The following LARGE1 variants were observed in gnomAD, a reference collection of about 807,000 sequenced individuals.
LARGE1 encodes LARGE xylosyl- and glucuronyltransferase 1, also known as xylosyl- and glucuronyltransferase LARGE1.
In LARGE1, 43 loss-of-function variants were observed where a neutral mutation model predicts 87.6. The ratio of observed to expected loss-of-function variants is 0.49; its 90% CI spans 0.38 to 0.63. LARGE1 has a LOEUF of 0.63. Among genes scored for constraint, LARGE1 ranks in the 30% least tolerant of loss-of-function variants. LARGE1 has a pLI of 0.00. For synonymous variants in LARGE1, 434 were observed against 394.6 expected, an observed-to-expected ratio of 1.10 and a Z score of -1.18; for missense variants, 802 against 1,000.2, an observed-to-expected ratio of 0.80 and a Z score of 2.67.
intron 7 of LARGE1, among the ~76,000 whole-genome samples, chr22:33,420,583 A>G (rs1455504071): frequency 1.3e-5 from 2 of 152,176 alleles, no homozygotes; most frequent in Admixed American, 1.3e-4. Flanking sequence ...TGTGGGGAAC[A>G]CTTCCAGGAA....
intron 9 of LARGE1, among the ~76,000 whole-genome samples, chr22:33,379,371 G>C (rs2065087152): frequency 6.6e-6 from 1 of 151,288 alleles, no homozygotes; most frequent in Non-Finnish European, 1.5e-5. Flanking sequence ...CCACTAACTT[G>C]TCCTTTACAT....
At chr22:33,836,306 C>T (rs1056224741) in intron 1 of LARGE1, among the ~76,000 whole-genome samples, 1 of 152,212 alleles carries the variant, frequency 6.6e-6, no homozygotes, top group African/African-American at 2.4e-5. Flanking sequence ...AGCAAGACCA[C>T]CAGTTGCAGA....
chr22:33,392,521 T>C (rs1293131020), intron 7 of LARGE1, among the ~76,000 whole-genome samples: 3 of 151,882 alleles, frequency 2.0e-5, no homozygotes, highest in East Asian at 3.9e-4. Flanking sequence ...TAGCCAGATG[T>C]GGTGGTGGGT....
chr22:33,637,073 T>A (rs569286767), intron 3 of LARGE1, among the ~76,000 whole-genome samples: 199 of 152,314 alleles, frequency 1.3e-3, no homozygotes, highest in Non-Finnish European at 1.9e-3. Context: ...GTTAGGATAG[T>A]ATTTTTCCCA....
intron 9 of LARGE1, among the ~76,000 whole-genome samples, chr22:33,365,966 A>G (rs911692336): frequency 6.6e-6 from 1 of 152,214 alleles, no homozygotes; most frequent in Non-Finnish European, 1.5e-5. Context: ...TATCAATGTG[A>G]TTAAATTTAC....
intron 11 of LARGE1, among the ~76,000 whole-genome samples, chr22:33,249,140 A>G (rs1482930286): frequency 2.6e-5 from 4 of 152,190 alleles, no homozygotes; most frequent in African/African-American, 4.8e-5. Context: ...TCAAACTGTC[A>G]AATCAAAGTA....
intron 10 of LARGE1, among the ~76,000 whole-genome samples, chr22:33,327,919 AGTTCATT>A (rs1399380725): frequency 2.0e-5 from 3 of 152,180 alleles, no homozygotes; most frequent in Admixed American, 2.0e-4. Context: ...GACTTGTTAT[AGTTCATT>A]TGTTCAACAA....
chr22:33,626,897 T>C (rs950613616), intron 3 of LARGE1, among the ~76,000 whole-genome samples: 2 of 152,152 alleles, frequency 1.3e-5, no homozygotes, highest in Admixed American at 1.3e-4. Flanking sequence ...GCCAGGAGCA[T>C]GGGCCTCAGA....
chr22:33,117,083 A>C, the LARGE1 span, among the ~76,000 whole-genome samples: 4 of 152,322 alleles, frequency 2.6e-5, no homozygotes, highest in South Asian at 8.3e-4. Flanking sequence ...TCTGAGTCTC[A>C]TGTCTACTGA....
chr22:33,249,611 A>G (rs1926924040), intron 11 of LARGE1, among the ~76,000 whole-genome samples: 1 of 152,132 alleles, frequency 6.6e-6, no homozygotes, highest in African/African-American at 2.4e-5. Context: ...AAAAGTCATT[A>G]CTATACCCAA....
At chr22:33,084,371 A>C in the LARGE1 span, among the ~76,000 whole-genome samples, 1 of 152,126 alleles carries the variant, frequency 6.6e-6, no homozygotes, top group East Asian at 1.9e-4. Context: ...TAGAAATATA[A>C]TGCAAGGTCA....
chr22:33,714,387 T>C (rs899525634), intron 2 of LARGE1, among the ~76,000 whole-genome samples: 7 of 152,166 alleles, frequency 4.6e-5, no homozygotes, highest in African/African-American at 1.7e-4. Flanking sequence ...GAGACGTTCC[T>C]TACCCTCACT....
intron 11 of LARGE1, among the ~76,000 whole-genome samples, chr22:33,188,624 C>A (rs1923612663): frequency 6.6e-6 from 1 of 152,134 alleles, no homozygotes; most frequent in African/African-American, 2.4e-5. Context: ...TTGACTAAAG[C>A]CATCTGGACT....
chr22:33,821,492 C>T (rs2086815083), intron 1 of LARGE1, among the ~76,000 whole-genome samples: 1 of 152,130 alleles, frequency 6.6e-6, no homozygotes, highest in African/African-American at 2.4e-5. Context: ...CCACGTCTGA[C>T]AAATGTTTGT....
chr22:33,773,644 T>G (rs568951013), intron 1 of LARGE1, among the ~76,000 whole-genome samples: 2 of 152,280 alleles, frequency 1.3e-5, no homozygotes, highest in South Asian at 2.1e-4. Flanking sequence ...CTCACAGCAT[T>G]TACAAAGCTC....
At chr22:33,188,574 G>A (rs1923610398) in intron 11 of LARGE1, among the ~76,000 whole-genome samples, 1 of 152,172 alleles carries the variant, frequency 6.6e-6, no homozygotes, top group South Asian at 2.1e-4. Flanking sequence ...AACTAAGGTG[G>A]GGGTCACTGC....
At chr22:33,409,054 C>G (rs1184350440) in intron 7 of LARGE1, among the ~76,000 whole-genome samples, 3 of 152,284 alleles carry the variant, frequency 2.0e-5, no homozygotes, top group East Asian at 3.9e-4. Context: ...CTGAGATAGG[C>G]TATTTCTCTT....
intron 6 of LARGE1, among the ~76,000 whole-genome samples, chr22:33,557,579 A>AT (rs1352430224): frequency 6.6e-6 from 1 of 152,024 alleles, no homozygotes; most frequent in Non-Finnish European, 1.5e-5. Flanking sequence ...TTATTTATTT[A>AT]TTTTTTGAGA....
At chr22:33,719,273 G>T (rs762733754) in intron 2 of LARGE1, among the ~76,000 whole-genome samples, 61 of 152,126 alleles carry the variant, frequency 4.0e-4, no homozygotes, top group Non-Finnish European at 8.1e-4. Flanking sequence ...AAGTAAAAAA[G>T]TTACAGCAAA....
Sources: gnomAD v4.1 joint callset for allele counts (sites outside exome capture counted in the v4.1 genomes callset) on GRCh38, gnomAD v4.1.1 for gene constraint, MANE v1.5 for transcripts, NCBI Gene and HGNC (gene_info 2026-07-23, HGNC 2026-07-21) for gene names.